The following ADGRF4 variants were observed in gnomAD, a reference collection of about 807,000 sequenced individuals.
The protein encoded by ADGRF4 is adhesion G protein-coupled receptor F4.
Under a neutral mutation model 58.5 loss-of-function variants are expected in ADGRF4, and 63 were observed. That is an observed-to-expected ratio of 1.08 (90% CI 0.88 to 1.33). ADGRF4 has a LOEUF of 1.33. Among genes scored for constraint, ADGRF4 ranks in the 40% most tolerant of loss-of-function variants. ADGRF4 has a pLI of 0.00. For synonymous variants in ADGRF4, 313 were observed against 295.4 expected (o/e 1.06, Z -0.61); for missense variants, 931 against 843.9 (o/e 1.10, Z -1.28).
chr6:47,720,615 G>A (rs1772135913), intron 9 of ADGRF4, among the ~76,000 whole-genome samples: 1 of 152,132 alleles, frequency 6.6e-6, no homozygotes, highest in African/African-American at 2.4e-5. Flanking sequence ...CCCCATTCTG[G>A]GAGGCAGGGG....
chr6:47,719,838 A>G (rs993963962), intron 9 of ADGRF4, among the ~76,000 whole-genome samples: 9 of 152,350 alleles, frequency 5.9e-5, no homozygotes, highest in Admixed American at 2.0e-4. Context: ...TGCCAGTATT[A>G]GAAGGAAGTC....
In ADGRF4 at chr6:47,710,837, A is replaced by C. The variant is rs766890414; in HGVS notation, c.251A>C (p.Gln84Pro). The C allele has an allele frequency of 1.2e-6, 2 of 1,614,106 alleles. No homozygotes were observed. The highest frequency in any genetic ancestry group is 3.3e-5 in the Admixed American group (2 of 60,012). Residue 84 changes from glutamine (Q) to proline (P), a missense_variant, in exon 4 of 10, where the codon CAA (glutamine) becomes CCA (proline). Coordinates refer to ENST00000283303, the MANE Select transcript of ADGRF4 (RefSeq NM_153838.5). ...TTTACATGTAATCAAAAAAAGTGGC[A>C]AAAATCAGCTGAAACATGTACAAGC... Reference protein sequence around the residue: ...IGFTCNQKKWQKSAETCTSLS... With the variant: ...IGFTCNQKKWPKSAETCTSLS...
chr6:47,713,814 C>G lies in ADGRF4; in HGVS notation c.569C>G (p.Ala190Gly). 6.4e-7 allele frequency: 1 copy of G among 1,553,938 alleles called. No individual in the cohort carries two copies. The highest frequency in any genetic ancestry group is 8.7e-7 in the Non-Finnish European group (1 of 1,151,874). ...CCATTGCAGAGCTATAGTGAAGTGG[C>G]CAACCACATCCTCGACACAGCAGCC... ...REKMKSYSEVANHILDTAAIS... is the reference protein window; with the variant it reads ...REKMKSYSEVGNHILDTAAIS... The change falls in exon 6 of 10, where the codon GCC becomes GGC. Residue 190 changes from alanine to glycine, a missense_variant. Ala to Gly is a moderately conservative substitution (Grantham distance 60). Transcript: ENST00000283303.
intron 6 of ADGRF4, chr6:47,715,436 C>T (rs1286980855): frequency 8.2e-6 from 3 of 365,064 alleles, no homozygotes; most frequent in Non-Finnish European, 1.5e-5. Flanking sequence ...AAGAAGCTAA[C>T]CTTCACTTAT....
intron 8 of ADGRF4, 74 bp downstream of exon 8, chr6:47,717,425 G>C: frequency 1.1e-6 from 1 of 913,192 alleles, no homozygotes; most frequent in South Asian, 1.3e-5. Flanking sequence ...AAATACCATA[G>C]CTCAGTACTC....
intron 9 of ADGRF4, among the ~76,000 whole-genome samples, chr6:47,719,342 A>C (rs1772104528): frequency 1.3e-5 from 2 of 152,100 alleles, no homozygotes; most frequent in Non-Finnish European, 2.9e-5. Context: ...TGTCATATAC[A>C]TGGAGTGGCA....
rs1381975083 is a variant in ADGRF4, at chr6:47,713,782, C to A, written c.553-16C>A. On this transcript the variant is annotated splice_polypyrimidine_tract_variant and intron_variant, in intron 5 of 9. Coordinates refer to ENST00000283303, the MANE Select transcript of ADGRF4 (RefSeq NM_153838.5). Reference sequence around the variant, plus strand: ...GTGTAAATCCTTAGTATAATGTTCACCTTTCTCCATTGCAGAGCTATAGTG... The same window carrying A: ...GTGTAAATCCTTAGTATAATGTTCAACTTTCTCCATTGCAGAGCTATAGTG... 2 of 1,511,380 alleles carry A rather than the reference C, an allele frequency of 1.3e-6. No homozygotes were observed. The allele number at this position is 1,511,380 out of a possible 1,614,324, so 93.6% of individuals were successfully genotyped here.
At chr6:47,700,508 G>A (rs1771566885) in intron 1 of ADGRF4, among the ~76,000 whole-genome samples, 2 of 152,246 alleles carry the variant, frequency 1.3e-5, no homozygotes, top group African/African-American at 2.4e-5. Context: ...GGTCATCTGG[G>A]TCTGTCTGGA....
At chr6:47,716,294 A>T (rs988032533) in intron 6 of ADGRF4, among the ~76,000 whole-genome samples, 5 of 152,306 alleles carry the variant, frequency 3.3e-5, no homozygotes, top group Non-Finnish European at 7.3e-5. Flanking sequence ...CTAGCCTTAT[A>T]AATCTCTGTA....
At chr6:47,700,807 T>C (rs1771572398) in intron 1 of ADGRF4, among the ~76,000 whole-genome samples, 2 of 152,182 alleles carry the variant, frequency 1.3e-5, no homozygotes, top group Non-Finnish European at 2.9e-5. Flanking sequence ...AGCAAAAACT[T>C]CAGATGCTGA....
At position 47,699,774 on chromosome 6, in the gene ADGRF4, A is replaced by T. The variant is rs146616896; in HGVS notation, c.-17+980A>T. Among the ~76,000 whole-genome samples, 66 of 152,308 alleles carry T rather than the reference A, an allele frequency of 4.3e-4. 2 individuals carry two copies. The East Asian group carries it at 0.012, about 27-fold the overall frequency. Reference sequence around the variant, plus strand: ...ATAGATTCTGCTATGAGGGCAAGAGATACTGGGTCTTAAACACATAAACAA... The same window carrying T: ...ATAGATTCTGCTATGAGGGCAAGAGTTACTGGGTCTTAAACACATAAACAA... On this transcript the variant is annotated intron_variant, in intron 1 of 9. Coordinates refer to ENST00000283303, the MANE Select transcript of ADGRF4 (RefSeq NM_153838.5).
chr6:47,707,179 T>A (rs886920373), intron 1 of ADGRF4, 51 bp from the exon 2 acceptor site: 36 of 957,638 alleles, frequency 3.8e-5, no homozygotes, highest in Middle Eastern at 2.1e-4. Context: ...GTATTGTTAG[T>A]TGCGTGAAGT....
At chr6:47,706,927 T>C (rs1390828369) in intron 1 of ADGRF4, among the ~76,000 whole-genome samples, 2 of 152,240 alleles carry the variant, frequency 1.3e-5, no homozygotes, top group African/African-American at 4.8e-5. Context: ...AATATGACTA[T>C]TAAATAAACT....
At chr6:47,717,700 C>G (rs1468293711) in intron 8 of ADGRF4, among the ~76,000 whole-genome samples, 2 of 152,228 alleles carry the variant, frequency 1.3e-5, no homozygotes, top group South Asian at 2.1e-4. Flanking sequence ...ATTCATTTTA[C>G]AGGTATGGAA....
In ADGRF4 at chr6:47,714,185, A is replaced by G. The variant is rs377160244; in HGVS notation, c.940A>G (p.Arg314Gly). 4.8e-4 allele frequency: 777 copies of G among 1,614,008 alleles called. 1 individual carries two copies. Among genetic ancestry groups the G allele is most frequent in the Non-Finnish European group, 6.3e-4 (748 of 1,180,014 alleles). The change falls in exon 6 of 10, where the codon AGA becomes GGA. Residue 314 changes from arginine (R) to glycine (G), a missense_variant. Coordinates refer to ENST00000283303, the MANE Select transcript of ADGRF4 (RefSeq NM_153838.5). The stretch of plus-strand genomic sequence containing the variant: ...CCACTTGCAAAATGTGAGTCTTCCC[A>G]GACAGGTAAATGGTCTGGTGCTATC... ...EAHLQNVSLPRQVNGLVLSVV... is the reference protein window; with the variant it reads ...EAHLQNVSLPGQVNGLVLSVV...
chr6:47,713,995 T>C lies in ADGRF4; in HGVS notation c.750T>C (p.Asn250=), dbSNP rs1001418565. ...IQTKGFHINH[N]TSEKSLNFSM... is the part of the protein sequence containing the mutation. ...CAAAAGGGTTTCACATCAACCATAA[T>C]ACCTCAGAGAAAAGCCTCAATTTCT... Residue 250 remains asparagine (N), a synonymous_variant, in exon 6 of 10, where the codon AAT becomes AAC. Transcript: ENST00000283303. The C allele has an allele frequency of 6.2e-7, 1 of 1,605,450 alleles. No homozygotes were observed. The highest frequency in any genetic ancestry group is 1.7e-5 in the Admixed American group (1 of 58,828).
intron 1 of ADGRF4, among the ~76,000 whole-genome samples, chr6:47,704,960 CATCT>C: frequency 6.6e-6 from 1 of 151,848 alleles, no homozygotes; most frequent in East Asian, 1.9e-4. Context: ...ATGGAGTCTC[CATCT>C]GTCACTCAGG....
At position 47,710,743 on chromosome 6, in the gene ADGRF4, G is replaced by C; in HGVS notation, c.157G>C (p.Glu53Gln). 3.1e-6 allele frequency: 5 copies of C among 1,599,544 alleles called. No homozygotes were observed. The highest frequency in any genetic ancestry group is 2.6e-6 in the Non-Finnish European group (3 of 1,175,740). ...PKTGRIQEKC[E>Q]GPCISSSNCS... Reference sequence around the variant, plus strand: ...TCTTTTTTTCTTTATAGAGAAATGCGAAGGACCTTGTATTTCTTCTTCCAA... The same window carrying C: ...TCTTTTTTTCTTTATAGAGAAATGCCAAGGACCTTGTATTTCTTCTTCCAA... Residue 53 changes from glutamate (E) to glutamine (Q), a missense_variant, in exon 4 of 10, where the codon GAA becomes CAA. Transcript: ENST00000283303.
At chr6:47,699,166 G>T (rs1329534) in intron 1 of ADGRF4, among the ~76,000 whole-genome samples, 143,951 of 152,314 alleles carry the variant, frequency 0.95, 68,544 homozygotes, top group East Asian at 1. Context: ...AAGTGTTCTT[G>T]ATTAGTTTCT....
Sources: gnomAD v4.1 joint callset for allele counts (sites outside exome capture counted in the v4.1 genomes callset) on GRCh38, gnomAD v4.1.1 for gene constraint, MANE v1.5 for transcripts, NCBI Gene and HGNC (gene_info 2026-07-23, HGNC 2026-07-21) for gene names.